Variants in QTGAL observed in about 807,000 individuals in gnomAD.
QTGAL encodes BGnT-like protein 1.
the QTGAL span, among the ~76,000 whole-genome samples, chr17:83,017,966 C>T: frequency 2.9e-5 from 4 of 137,774 alleles, no homozygotes; most frequent in Admixed American, 7.2e-5. Context: ...TCCGTGAACA[C>T]CGTGCGCCTG....
chr17:83,004,617 T>TCGCCCTCC, the QTGAL span, among the ~76,000 whole-genome samples: 1 of 122,068 alleles, frequency 8.2e-6, no homozygotes, highest in Non-Finnish European at 1.7e-5. Context: ...ATTCCTGAGC[T>TCGCCCTCC]CGCCCTCCCA....
At chr17:83,026,742 A>G in the QTGAL span, among the ~76,000 whole-genome samples, 1 of 130,314 alleles carries the variant, frequency 7.7e-6, no homozygotes. Flanking sequence ...CCTGCAGACA[A>G]ACCCACCCTC....
the QTGAL span, among the ~76,000 whole-genome samples, chr17:82,982,832 C>T: frequency 6.6e-6 from 1 of 152,122 alleles, no homozygotes; most frequent in African/African-American, 2.4e-5. Context: ...CTCCCTCCAC[C>T]AAGAATAAGT....
chr17:82,942,733 G>A, the QTGAL span: 2 of 551,284 alleles, frequency 3.6e-6, no homozygotes, highest in Non-Finnish European at 6.4e-6. Flanking sequence ...TGAGCCTGAT[G>A]TGTGTAGGGG....
the QTGAL span, among the ~76,000 whole-genome samples, chr17:83,028,340 C>T: frequency 4.0e-4 from 60 of 150,958 alleles, no homozygotes; most frequent in African/African-American, 1.3e-3. Context: ...CTGGCTAACA[C>T]GGTGAAACCC....
At chr17:83,032,789 C>G in the QTGAL span, among the ~76,000 whole-genome samples, 1 of 152,220 alleles carries the variant, frequency 6.6e-6, no homozygotes, top group Non-Finnish European at 1.5e-5. Context: ...AGAAAGAGAC[C>G]CAGGCACCAG....
the QTGAL span, chr17:83,014,317 G>C: frequency 2.1e-6 from 2 of 934,394 alleles, no homozygotes; most frequent in East Asian, 2.7e-5. Context: ...AGACATGCCA[G>C]CCACAGATCC....
At chr17:82,949,443 T>C in the QTGAL span, 3 of 152,166 alleles carry the variant, frequency 2.0e-5, no homozygotes, top group African/African-American at 7.2e-5. Flanking sequence ...CTCTTCCAGC[T>C]AACGGTGGAG....
At chr17:83,032,105 TCCGACCCAGACCGAG>T in the QTGAL span, among the ~76,000 whole-genome samples, 488 of 141,442 alleles carry the variant, frequency 3.5e-3, 5 homozygotes, top group African/African-American at 8.2e-3. Flanking sequence ...AGGCCAGGCC[TCCGACCCAGACCGAG>T]CTCGGGAGCT....
the QTGAL span, among the ~76,000 whole-genome samples, chr17:82,958,380 C>T: frequency 5.9e-5 from 9 of 152,204 alleles, no homozygotes; most frequent in African/African-American, 1.7e-4. Flanking sequence ...GAGCTGTGTC[C>T]GTGGGAGTCT....
the QTGAL span, chr17:82,978,697 C>T: frequency 2.6e-5 from 4 of 152,054 alleles, no homozygotes; most frequent in African/African-American, 9.7e-5. The surrounding 1 kb of genome is among the most constrained non-coding windows in gnomAD (Gnocchi z 4.8). Flanking sequence ...TTTAAAAAAT[C>T]TGATTTTGCT....
At chr17:82,968,362 G>A in the QTGAL span, among the ~76,000 whole-genome samples, 52 of 151,406 alleles carry the variant, frequency 3.4e-4, 1 homozygote, top group Non-Finnish European at 4.4e-5. Context: ...CTGCCGGTCA[G>A]GGCAGCACAG....
At chr17:83,040,013 T>G in the QTGAL span, among the ~76,000 whole-genome samples, 1 of 152,124 alleles carries the variant, frequency 6.6e-6, no homozygotes, top group Non-Finnish European at 1.5e-5. Context: ...TTGAAATACG[T>G]CATAGCTGTA....
chr17:83,011,906 G>GT, the QTGAL span, among the ~76,000 whole-genome samples: 1 of 136,960 alleles, frequency 7.3e-6, no homozygotes, highest in Non-Finnish European at 1.6e-5. Flanking sequence ...CCTGGTATCC[G>GT]TAAGTATCCC....
At chr17:83,030,598 G>T in the QTGAL span, among the ~76,000 whole-genome samples, 1 of 152,198 alleles carries the variant, frequency 6.6e-6, no homozygotes, top group East Asian at 1.9e-4. Context: ...GGATGAGAAC[G>T]GCCAGGCTTG....
chr17:82,961,948 G>A, the QTGAL span, among the ~76,000 whole-genome samples: 9 of 148,982 alleles, frequency 6.0e-5, no homozygotes, highest in East Asian at 1.8e-3. Context: ...TGTGGAGCCG[G>A]GCCCCTGTCG....
chr17:83,035,042 A>G, the QTGAL span: 2 of 1,608,950 alleles, frequency 1.2e-6, no homozygotes, highest in South Asian at 2.2e-5. Context: ...TACCGAATCC[A>G]AAAAGCAAAG....
the QTGAL span, among the ~76,000 whole-genome samples, chr17:83,004,758 C>T: frequency 0.14 from 10,089 of 72,330 alleles, no homozygotes; most frequent in South Asian, 0.16. Flanking sequence ...GCCCTCCCAC[C>T]CTCCGCAGTC....
chr17:82,949,233 T>A, the QTGAL span: 1 of 152,136 alleles, frequency 6.6e-6, no homozygotes, highest in African/African-American at 2.4e-5. Flanking sequence ...ACCCAGAAAT[T>A]TTTAGAATTT....
Sources: allele counts gnomAD v4.1 joint callset (sites outside exome capture counted in the v4.1 genomes callset), GRCh38; gene constraint gnomAD v4.1.1; non-coding constraint Gnocchi (gnomAD v3.1); transcripts MANE v1.5; gene names NCBI Gene and HGNC (gene_info 2026-07-23, HGNC 2026-07-21).